Variants in OC90 observed in about 807,000 individuals in gnomAD.
The protein encoded by OC90 is otoconin-90.
OC90 carries 46 observed loss-of-function variants against 47.3 expected under a neutral mutation model. The ratio of observed to expected loss-of-function variants is 0.97; its 90% confidence interval spans 0.77 to 1.24. OC90 has a LOEUF of 1.24. Ranked by LOEUF, OC90 falls within the 50% of genes most tolerant of loss-of-function variation. The pLI, the probability that OC90 is intolerant of heterozygous loss-of-function variation, is 0.00. For synonymous variants in OC90, 271 were observed against 219.5 expected (o/e 1.23, Z -2.07); for missense variants, 688 against 583.9 (o/e 1.18, Z -1.84).
At chr8:132,046,288 G>A (rs1300240076) in intron 2 of OC90, among the ~76,000 whole-genome samples, 1 of 152,080 alleles carries the variant, frequency 6.6e-6, no homozygotes, top group Non-Finnish European at 1.5e-5. Flanking sequence ...TAGAGAATAA[G>A]GGTTTTCCCC....
In OC90 at chr8:132,048,718, C is replaced by T. The variant is rs138452339; in HGVS notation, c.47-2835G>A. On this transcript the variant is annotated intron_variant, in intron 2 of 13. Transcript: ENST00000254627. ...TCTTAAGGTGACTCTTTTGTCCCCA[C>T]TCCCCCCTGTTTTACAGGTAAAATA... Among the ~76,000 whole-genome samples, 29 of 151,718 alleles carry T rather than the reference C, an allele frequency of 1.9e-4. 1 individual carries two copies. The highest frequency in any genetic ancestry group is 2.9e-4 in the Non-Finnish European group (20 of 68,036).
intron 13 of OC90, among the ~76,000 whole-genome samples, chr8:132,027,802 C>T (rs777257741): frequency 6.6e-6 from 1 of 152,114 alleles, no homozygotes; most frequent in Non-Finnish European, 1.5e-5. Context: ...GGCCAGTCCC[C>T]CATTTTAAAA....
intron 2 of OC90, among the ~76,000 whole-genome samples, chr8:132,046,671 G>T (rs1475311495): frequency 2.0e-5 from 3 of 152,164 alleles, no homozygotes; most frequent in African/African-American, 7.2e-5. Context: ...ACTTGTTCCT[G>T]CTCATATTTT....
rs780430088 is a variant in OC90, at chr8:132,031,991, C to T, written c.921G>A (p.Gln307=). The change falls in exon 12 of 14, where the codon CAG becomes CAA. Residue 307 remains glutamine (Q), a synonymous_variant. Transcript: ENST00000254627. The part of the protein sequence containing the change: ...GSGDNMQVMP[Q]LGEMLFCLTS... ...TCAGACAAAAGAGCATCTCTCCAAG[C>T]TGTGGCATCACCTGCATGTTGTCCC... The T allele has an allele frequency of 6.2e-7, 1 of 1,613,994 alleles. No individual in the cohort carries two copies. The highest frequency in any genetic ancestry group is 1.1e-5 in the South Asian group (1 of 91,084).
At chr8:132,031,817 C>G in intron 12 of OC90, 64 bp downstream of exon 12, 1 of 1,465,822 alleles carries the variant, frequency 6.8e-7, no homozygotes, top group Non-Finnish European at 9.4e-7. Context: ...GGGCTGTCAC[C>G]ACCCTCTGGT....
chr8:132,042,119 A>G (rs1823062988), intron 4 of OC90, among the ~76,000 whole-genome samples: 1 of 141,402 alleles, frequency 7.1e-6, no homozygotes, highest in Non-Finnish European at 1.6e-5. Context: ...AATAAAGGCA[A>G]GTAGGAAGAT....
chr8:132,043,703 A>G (rs570813049), intron 4 of OC90, among the ~76,000 whole-genome samples: 1 of 152,238 alleles, frequency 6.6e-6, no homozygotes, highest in Non-Finnish European at 1.5e-5. Flanking sequence ...AATCAGAAAA[A>G]TAAAGACAGA....
chr8:132,027,325 T>A (rs1357085730), intron 13 of OC90, among the ~76,000 whole-genome samples: 2 of 152,088 alleles, frequency 1.3e-5, no homozygotes, highest in Non-Finnish European at 2.9e-5. Flanking sequence ...AATGAACGGA[T>A]GAATGAGTGA....
rs373278143 is a variant in OC90 at position 132,036,459 on chromosome 8, T to C, written c.679+979A>G. On this transcript the variant is annotated intron_variant, in intron 9 of 13. Coordinates refer to ENST00000254627, the MANE Select transcript of OC90 (RefSeq NM_001080399.3). ...ACCCGATTTTAATGATCAGTTCAGC[T>C]AGGTGCCAAAGCCAAACAGGGGAAA... 6 of 779,678 alleles carry C rather than the reference T, an allele frequency of 7.7e-6. No homozygotes were observed. In the African/African-American group the frequency reaches 1.0e-4, roughly 13 times the overall value. The allele number at this position is 779,678 out of a possible 1,614,324, so 48.3% of individuals were successfully genotyped here.
Position 132,024,769 on chromosome 8 carries a change from G to T in OC90, c.1146C>A (p.Gly382=), listed in dbSNP as rs753830109. 6.2e-7 allele frequency: 1 copy of T among 1,612,062 alleles called. No individual in the cohort carries two copies. The highest frequency in any genetic ancestry group is 8.5e-7 in the Non-Finnish European group (1 of 1,178,856). Residue 382 remains glycine (G), a synonymous_variant, in exon 14 of 14, where the codon GGC becomes GGA. Transcript: ENST00000254627. ...AGAGCAACTTCTCACACAGGCTTTG[G>T]CCCCCACCTTAGAAGGAAAGAGCAG... The part of the protein sequence containing the change: ...VCVDHTPKCG[G]QSLCEKLLCA...
intron 8 of OC90, 146 bp downstream of exon 8, chr8:132,038,644 C>G: frequency 1.4e-6 from 1 of 693,088 alleles, no homozygotes; most frequent in Non-Finnish European, 2.6e-6. Context: ...TAACACATCT[C>G]CTAGCCAGAG....
At chr8:132,032,836 G>A (rs991236752) in intron 11 of OC90, among the ~76,000 whole-genome samples, 1 of 152,128 alleles carries the variant, frequency 6.6e-6, no homozygotes, top group Non-Finnish European at 1.5e-5. Flanking sequence ...CCTCCCCCCA[G>A]GCTCAGCCTC....
chr8:132,028,430 G>T (rs887409745), intron 13 of OC90, among the ~76,000 whole-genome samples: 1 of 151,682 alleles, frequency 6.6e-6, no homozygotes, highest in East Asian at 1.9e-4. Flanking sequence ...GGAATCAGGG[G>T]GTTAGAGGTT....
chr8:132,041,519 A>T lies in OC90; in HGVS notation c.344+6T>A. ...TTGGTCTTGCTCACCTGTGGAACTC[A>T]CTTACCTGTCAGATTCATCCACAGG... On this transcript the variant is annotated splice_donor_region_variant and intron_variant, in intron 5 of 13. Coordinates refer to ENST00000254627, the MANE Select transcript of OC90 (RefSeq NM_001080399.3). 6.2e-7 allele frequency: 1 copy of T among 1,608,060 alleles called. No individual in the cohort carries two copies. The highest frequency in any genetic ancestry group is 8.5e-7 in the Non-Finnish European group (1 of 1,177,192).
At chr8:132,048,675 G>A (rs984643359) in intron 2 of OC90, among the ~76,000 whole-genome samples, 9 of 151,436 alleles carry the variant, frequency 5.9e-5, no homozygotes, top group South Asian at 2.1e-4. Flanking sequence ...TGGGGTCCTC[G>A]TCCTTTTATC....
At position 132,039,108 on chromosome 8, in the gene OC90, C is replaced by G; in HGVS notation, c.473G>C (p.Cys158Ser). The change falls in exon 7 of 14, where the codon TGT (cysteine) becomes TCT (serine). Residue 158 changes from cysteine to serine, a missense_variant. Cys to Ser is a moderately radical substitution (Grantham distance 112). Transcript: ENST00000254627. ...KKIICESKDN[C>S]EHLLCTCDKA... ...ATCACAGGTACACAGCAGGTGCTCA[C>G]AGTTGTCCTTGGACTCTGCACACAG... 1 of 1,609,756 alleles carries G rather than the reference C, an allele frequency of 6.2e-7. No homozygotes were observed. The highest frequency in any genetic ancestry group is 8.5e-7 in the Non-Finnish European group (1 of 1,178,066).
chr8:132,034,706 G>A (rs1822929024), intron 10 of OC90, 75 bp downstream of exon 10: 1 of 1,004,010 alleles, frequency 1.0e-6, no homozygotes. Flanking sequence ...GAACCCAGTT[G>A]ATATCATAAA....
At chr8:132,028,559 AAAGAAAGG>A (rs1563727343) in intron 13 of OC90, among the ~76,000 whole-genome samples, 21 of 12,172 alleles carry the variant, frequency 1.7e-3, no homozygotes, top group African/African-American at 5.4e-3. Context: ...AGAAAGAAAG[AAAGAAAGG>A]AAGGAAGGAA....
At chr8:132,034,676 G>A (rs1016314280) in intron 10 of OC90, 105 bp downstream of exon 10, 18 of 775,024 alleles carry the variant, frequency 2.3e-5, no homozygotes, top group Middle Eastern at 2.4e-4. Flanking sequence ...TGCTGACAAG[G>A]TCATGGTGCA....
Sources: allele counts gnomAD v4.1 joint callset (sites outside exome capture counted in the v4.1 genomes callset), GRCh38; gene constraint gnomAD v4.1.1; transcripts MANE v1.5; gene names NCBI Gene and HGNC (gene_info 2026-07-23, HGNC 2026-07-21).